Variants in ZYG11B observed in about 807,000 individuals in gnomAD.
ZYG11B encodes protein zyg-11 homolog B.
ZYG11B carries 36 observed loss-of-function variants against 82.4 expected under a neutral mutation model. The observed-to-expected ratio is 0.44, with a 90% CI of 0.33 to 0.58. The LOEUF (loss-of-function observed/expected upper bound fraction) is 0.58. Among genes scored for constraint, ZYG11B ranks in the 20% least tolerant of loss-of-function variants. The pLI is 0.02. For synonymous variants in ZYG11B, 303 were observed against 312.8 expected (o/e 0.97, Z 0.33); for missense variants, 552 against 895.6 (o/e 0.62, Z 4.90).
chr1:52,820,841 C>CTG (rs1458312822), intron 13 of ZYG11B, among the ~76,000 whole-genome samples: 11 of 151,610 alleles, frequency 7.3e-5, no homozygotes, highest in African/African-American at 2.7e-4. Flanking sequence ...TGGCTCATGC[C>CTG]TGTAATTCTA....
chr1:52,800,131 C>G (rs1029861706), intron 8 of ZYG11B, among the ~76,000 whole-genome samples: 11 of 151,502 alleles, frequency 7.3e-5, no homozygotes, highest in African/African-American at 2.4e-4. Flanking sequence ...AAAAAATTAG[C>G]TGGGCTTGGT....
At chr1:52,796,918 T>TA (rs1180098619) in intron 8 of ZYG11B, 134 bp downstream of exon 8, 1 of 107,694 alleles carries the variant, frequency 9.3e-6, no homozygotes, top group Non-Finnish European at 1.8e-5. Flanking sequence ...ATATTATATA[T>TA]TATATATAAT....
chr1:52,819,401 C>A (rs1260006693), intron 13 of ZYG11B, among the ~76,000 whole-genome samples: 7 of 152,122 alleles, frequency 4.6e-5, no homozygotes, highest in Admixed American at 4.6e-4. Context: ...CATCATATTC[C>A]CAGTCTCTAA....
intron 6 of ZYG11B, among the ~76,000 whole-genome samples, chr1:52,792,114 T>C (rs942521771): frequency 6.6e-6 from 1 of 152,202 alleles, no homozygotes; most frequent in African/African-American, 2.4e-5. Flanking sequence ...TGCTTTCCTC[T>C]CATCTAGCCA....
At chr1:52,782,366 A>G (rs1300576907) in intron 4 of ZYG11B, among the ~76,000 whole-genome samples, 2 of 151,554 alleles carry the variant, frequency 1.3e-5, no homozygotes, top group East Asian at 3.9e-4. Flanking sequence ...TGTTGGGATT[A>G]TAGGAGTGAG....
At chr1:52,764,759 TAAAG>T (rs1558125730) in intron 2 of ZYG11B, among the ~76,000 whole-genome samples, 1 of 152,028 alleles carries the variant, frequency 6.6e-6, no homozygotes, top group Admixed American at 6.6e-5. Context: ...AGAAGAATAA[TAAAG>T]GAAGGGAGAT....
chr1:52,776,229 A>AAAATATATATAT lies in ZYG11B; in HGVS notation c.952-3623_952-3622insAATATATATATA. Among the ~76,000 whole-genome samples, 13 of 23,530 alleles carry AAAATATATATAT rather than the reference A, an allele frequency of 5.5e-4. 2 individuals carry two copies. Among genetic ancestry groups the AAAATATATATAT allele is most frequent in the South Asian group, 4.7e-3 (2 of 422 alleles). The allele number at this position is 23,530 out of a possible 152,430, so 15.4% of individuals were successfully genotyped here. A position where few individuals can be genotyped will look rare whatever the true frequency, so the allele number is the denominator to read the frequency against. ...AGCAAAACTCTGTCTTAAAAAAAAA[A>AAAATATATATAT]ATATATATATATATATGCAATAAAG... On this transcript the variant is annotated intron_variant, in intron 3 of 13. Transcript: ENST00000294353.
At chr1:52,785,207 G>A (rs908497400) in intron 5 of ZYG11B, among the ~76,000 whole-genome samples, 154 bp downstream of exon 5, 1 of 152,158 alleles carries the variant, frequency 6.6e-6, no homozygotes, top group Non-Finnish European at 1.5e-5. Context: ...GACACCAAAG[G>A]AGTATATTCC....
At chr1:52,807,860 C>A (rs902947079) in intron 10 of ZYG11B, among the ~76,000 whole-genome samples, 1 of 151,348 alleles carries the variant, frequency 6.6e-6, no homozygotes, top group South Asian at 2.1e-4. Context: ...ATGATGAATT[C>A]TTCAGCTTTT....
At chr1:52,727,519 C>T (rs370357061) in intron 1 of ZYG11B, among the ~76,000 whole-genome samples, 1 of 152,110 alleles carries the variant, frequency 6.6e-6, no homozygotes, top group South Asian at 2.1e-4. Flanking sequence ...TTTTGAGCAT[C>T]TTTTAATGTG....
rs202062326 is a variant in ZYG11B, at chr1:52,810,872, TA to T, written c.1696-2659del. On this transcript the variant is annotated intron_variant, in intron 10 of 13. Transcript: ENST00000294353. ...CAACATGGCGAAACCCTGTATCTAC[TA>T]AAAATATAAAAATTAGCTGGCCATG... Among the ~76,000 whole-genome samples the T allele has an allele frequency of 8.2e-3, 1,241 of 152,084 alleles. 17 individuals are homozygous for T. The Middle Eastern group carries it at 0.13, about 16-fold the overall frequency.
chr1:52,799,351 G>A (rs141817086), intron 8 of ZYG11B, among the ~76,000 whole-genome samples: 1,887 of 151,966 alleles, frequency 0.012, 16 homozygotes, highest in Non-Finnish European at 0.019. Context: ...GCCAGGTGTG[G>A]TGGCAGGCGC....
intron 1 of ZYG11B, among the ~76,000 whole-genome samples, chr1:52,743,402 T>TAAAAAAA (rs71044414): frequency 3.6e-3 from 251 of 68,912 alleles, no homozygotes; most frequent in Non-Finnish European, 4.7e-3. Context: ...CAATAAATAC[T>TAAAAAAA]AAAAAAAAAA....
intron 1 of ZYG11B, among the ~76,000 whole-genome samples, chr1:52,741,986 A>G (rs1261236365): frequency 6.6e-6 from 1 of 152,146 alleles, no homozygotes. Context: ...TAAAAAATCT[A>G]TTTCTATCAT....
chr1:52,740,362 G>C lies in ZYG11B; in HGVS notation c.30+13679G>C, dbSNP rs541515741. Among the ~76,000 whole-genome samples the C allele has an allele frequency of 3.3e-5, 5 of 152,294 alleles. No individual in the cohort carries two copies. The East Asian group carries it at 9.6e-4, about 29-fold the overall frequency. ...CTTTAGCACATATCCACTTGCCATA[G>C]TGGCCAGGCCTTAAAGTGATATGTG... On this transcript the variant is annotated intron_variant, in intron 1 of 13. Coordinates refer to ENST00000294353, the MANE Select transcript of ZYG11B (RefSeq NM_024646.3).
At chr1:52,793,698 AC>A (rs1224885273) in intron 6 of ZYG11B, among the ~76,000 whole-genome samples, 7 of 152,280 alleles carry the variant, frequency 4.6e-5, no homozygotes, top group Admixed American at 3.3e-4. Context: ...GTTACCTCAT[AC>A]TTGTGGGCAT....
chr1:52,754,105 A>G (rs1571752094), intron 1 of ZYG11B, among the ~76,000 whole-genome samples: 1 of 151,036 alleles, frequency 6.6e-6, no homozygotes, highest in East Asian at 2.0e-4. Context: ...GCCTCACTGC[A>G]ACCTCTGCCT....
chr1:52,803,103 T>TATATACAC lies in ZYG11B; in HGVS notation c.1695+969_1695+970insCACATATA, dbSNP rs1553262782. On this transcript the variant is annotated intron_variant, in intron 10 of 13. Coordinates refer to ENST00000294353, the MANE Select transcript of ZYG11B (RefSeq NM_024646.3). ...ATATATACACATATATATATACATATATATATATATATATACACACATATA... is the reference window on the plus strand; with the variant it reads ...ATATATACACATATATATATACATATATATACACATATATATATATATACACACATATA... Among the ~76,000 whole-genome samples the TATATACAC allele has an allele frequency of 2.0e-4, 16 of 79,696 alleles. 1 individual carries two copies. Among genetic ancestry groups the TATATACAC allele is most frequent in the Non-Finnish European group, 2.1e-4 (11 of 53,148 alleles). 52.3% of individuals were successfully genotyped at this position (79,696 alleles called of 152,430 possible). A position where few individuals can be genotyped will look rare whatever the true frequency, so the allele number is the denominator to read the frequency against.
In ZYG11B at chr1:52,808,214, A is replaced by G. The variant is rs183061491; in HGVS notation, c.1696-5322A>G. ...TCCATCTCTTCTCAAAATAACAGAA[A>G]TTAGCTGGGTGTGGTGGCAGGTGCC... On this transcript the variant is annotated intron_variant, in intron 10 of 13. Transcript: ENST00000294353. Among the ~76,000 whole-genome samples, 10 of 152,212 alleles carry G rather than the reference A, an allele frequency of 6.6e-5. No homozygotes were observed. The East Asian group carries it at 1.7e-3, about 27-fold the overall frequency.
Sources: gnomAD v4.1 joint callset for allele counts (sites outside exome capture counted in the v4.1 genomes callset) on GRCh38, gnomAD v4.1.1 for gene constraint, MANE v1.5 for transcripts, NCBI Gene and HGNC (gene_info 2026-07-23, HGNC 2026-07-21) for gene names.